The following RANBP2 variants were observed in gnomAD, a reference collection of about 807,000 sequenced individuals.
RANBP2 encodes the protein E3 SUMO-protein ligase RanBP2.
In RANBP2, 57 loss-of-function variants were observed where a neutral mutation model predicts 303.6. The ratio of observed to expected loss-of-function variants is 0.19; its 90% CI spans 0.15 to 0.23. The LOEUF (loss-of-function observed/expected upper bound fraction) is 0.23, where lower values mean the gene tolerates loss of function less well. RANBP2 is among the 10% of genes least tolerant of loss of function. RANBP2 has a pLI of 1.00. For missense variants in RANBP2, 3,138 were observed against 3,780.8 expected, an observed-to-expected ratio of 0.83 and a Z score of 4.46; for synonymous variants, 1,167 against 1,301.5, an observed-to-expected ratio of 0.90 and a Z score of 2.23.
chr2:108,913,083 G>C, the RANBP2 span, among the ~76,000 whole-genome samples: 1 of 151,638 alleles, frequency 6.6e-6, no homozygotes, highest in African/African-American at 2.4e-5. Flanking sequence ...CAAGTAACTG[G>C]GACTACAGGC....
At chr2:109,717,080 GA>G in the RANBP2 span, among the ~76,000 whole-genome samples, 1 of 152,082 alleles carries the variant, frequency 6.6e-6, no homozygotes, top group South Asian at 2.1e-4. Context: ...GAAAAAGTAA[GA>G]GATAAAATTT....
chr2:109,150,467 A>G, the RANBP2 span, among the ~76,000 whole-genome samples: 2 of 152,234 alleles, frequency 1.3e-5, no homozygotes, highest in Admixed American at 6.5e-5. Context: ...ATTTCTTAGA[A>G]AAATAGTTTT....
the RANBP2 span, among the ~76,000 whole-genome samples, chr2:109,005,217 T>C: frequency 6.6e-6 from 1 of 152,230 alleles, no homozygotes; most frequent in Admixed American, 6.5e-5. Context: ...ATCTGGTTCC[T>C]GAAGCACTGC....
chr2:109,675,267 C>T, the RANBP2 span, among the ~76,000 whole-genome samples: 2 of 152,218 alleles, frequency 1.3e-5, no homozygotes, highest in Non-Finnish European at 2.9e-5. Flanking sequence ...CGAAGGACAG[C>T]TTGGCAAAGT....
chr2:108,945,625 T>C, the RANBP2 span, among the ~76,000 whole-genome samples: 1 of 152,206 alleles, frequency 6.6e-6, no homozygotes, highest in Non-Finnish European at 1.5e-5. Flanking sequence ...AAAATGCAGC[T>C]AACTTTCTAA....
At chr2:109,474,078 T>A in the RANBP2 span, among the ~76,000 whole-genome samples, 1 of 152,140 alleles carries the variant, frequency 6.6e-6, no homozygotes, top group Non-Finnish European at 1.5e-5. Flanking sequence ...GGTTCGTGGC[T>A]TCCATTTGAT....
At chr2:108,817,907 A>G in the RANBP2 span, among the ~76,000 whole-genome samples, 4 of 152,234 alleles carry the variant, frequency 2.6e-5, no homozygotes, top group Non-Finnish European at 4.4e-5. Flanking sequence ...TTTGTCTCTT[A>G]GTACCTACAT....
At chr2:108,932,663 A>G in the RANBP2 span, among the ~76,000 whole-genome samples, 2 of 152,166 alleles carry the variant, frequency 1.3e-5, no homozygotes, top group Non-Finnish European at 2.9e-5. Flanking sequence ...GGGGACTGAC[A>G]TGGACAATCT....
the RANBP2 span, among the ~76,000 whole-genome samples, chr2:109,359,437 T>C: frequency 6.6e-6 from 1 of 152,222 alleles, no homozygotes; most frequent in African/African-American, 2.4e-5. Context: ...TCTCCTTTGA[T>C]TTCTTTCATC....
At chr2:109,025,931 G>C in the RANBP2 span, among the ~76,000 whole-genome samples, 1 of 152,038 alleles carries the variant, frequency 6.6e-6, no homozygotes, top group Non-Finnish European at 1.5e-5. Context: ...CATTTGGCCT[G>C]GGACAGTCCC....
chr2:108,853,878 A>AATATATTATATAGTATATATATT, the RANBP2 span, among the ~76,000 whole-genome samples: 16 of 124,846 alleles, frequency 1.3e-4, no homozygotes, highest in East Asian at 4.1e-4. Context: ...TATACTATAT[A>AATATATTATATAGTATATATATT]ATATATTATA....
chr2:109,239,582 C>T, the RANBP2 span, among the ~76,000 whole-genome samples: 5 of 152,162 alleles, frequency 3.3e-5, no homozygotes, highest in African/African-American at 1.2e-4. Flanking sequence ...CCATTGTTTG[C>T]ACACACGAGA....
chr2:109,221,883 G>T, the RANBP2 span, among the ~76,000 whole-genome samples: 1 of 151,978 alleles, frequency 6.6e-6, no homozygotes, highest in East Asian at 1.9e-4. Flanking sequence ...AGAAATCAGT[G>T]TATCAAAGGG....
chr2:108,804,014 A>G, the RANBP2 span, among the ~76,000 whole-genome samples: 1 of 152,136 alleles, frequency 6.6e-6, no homozygotes, highest in South Asian at 2.1e-4. Context: ...AGAATATTGG[A>G]TTTTTTTCAC....
chr2:108,775,581 G>A, intron 23 of RANBP2, 151 bp from the exon 24 acceptor site: 1 of 733,750 alleles, frequency 1.4e-6, no homozygotes, highest in Admixed American at 2.2e-5. Flanking sequence ...TAGGCATTTA[G>A]TTATAGGTTT....
chr2:109,676,028 A>G, the RANBP2 span, among the ~76,000 whole-genome samples: 2 of 152,252 alleles, frequency 1.3e-5, no homozygotes, highest in Non-Finnish European at 2.9e-5. Flanking sequence ...CCACACGTTC[A>G]TTCCTTCAAC....
At chr2:108,788,860 G>A (rs1169216699), downstream of RANBP2, 2 of 1,613,906 alleles carry the variant, frequency 1.2e-6, no homozygotes, top group East Asian at 4.5e-5. Flanking sequence ...AGGTGATTTG[G>A]ATATCTACTC....
chr2:108,815,988 C>G, the RANBP2 span: 1 of 1,613,216 alleles, frequency 6.2e-7, no homozygotes, highest in Non-Finnish European at 8.5e-7. Flanking sequence ...TCTTCATGGA[C>G]TGGATTTCGG....
the RANBP2 span, chr2:109,544,760 T>C: frequency 1.2e-6 from 1 of 821,106 alleles, no homozygotes; most frequent in East Asian, 1.2e-4. Flanking sequence ...TTGAATAAAA[T>C]ACAGCTTTTA....
Sources: allele counts gnomAD v4.1 joint callset (sites outside exome capture counted in the v4.1 genomes callset), GRCh38; gene constraint gnomAD v4.1.1; transcripts MANE v1.5; gene names NCBI Gene and HGNC (gene_info 2026-07-23, HGNC 2026-07-21).